GRIN2C: variants seen among roughly 807,000 people sequenced by gnomAD.
GRIN2C encodes the protein glutamate receptor ionotropic, NMDA 2C.
In GRIN2C, 64 loss-of-function variants were observed where a neutral mutation model predicts 77.7. The ratio of observed to expected loss-of-function variants is 0.82; its 90% CI spans 0.67 to 1.01. The LOEUF is 1.01. Ranked by LOEUF, GRIN2C falls within the 50% of genes least tolerant of loss-of-function variation. The pLI is 0.00. For synonymous variants in GRIN2C, 792 were observed against 643.4 expected, an observed-to-expected ratio of 1.23 and a Z score of -3.49; for missense variants, 1,549 against 1,486.0, an observed-to-expected ratio of 1.04 and a Z score of -0.70.
rs2037696963 is a variant in GRIN2C at position 74,852,614 on chromosome 17, G to A, written c.400-3C>T. 1 of 1,193,938 alleles carries A rather than the reference G, an allele frequency of 8.4e-7. No homozygotes were observed. Among genetic ancestry groups the A allele is most frequent in the Admixed American group, 5.8e-5 (1 of 17,354 alleles). The allele number at this position is 1,193,938 out of a possible 1,614,324, so 74.0% of individuals were successfully genotyped here. A position where few individuals can be genotyped will look rare whatever the true frequency, so the allele number is the denominator to read the frequency against. ...TGCAGGAAGGCGGAGCCCGGCTCCTGGGGGCGGGCGGGGCCTGAGCGGGGC... is the reference window on the plus strand; with the variant it reads ...TGCAGGAAGGCGGAGCCCGGCTCCTAGGGGCGGGCGGGGCCTGAGCGGGGC... On this transcript the variant is annotated splice_region_variant and splice_polypyrimidine_tract_variant and intron_variant, in intron 2 of 12. Coordinates refer to ENST00000293190, the MANE Select transcript of GRIN2C (RefSeq NM_000835.6).
In GRIN2C at chr17:74,842,484, G is replaced by A. The variant is rs760921839; in HGVS notation, c.3653C>T (p.Pro1218Leu). Residue 1218 changes from proline (P) to leucine (L), a missense_variant, in exon 13 of 13, where the codon CCG becomes CTG. Coordinates refer to ENST00000293190, the MANE Select transcript of GRIN2C (RefSeq NM_000835.6). ...SRVARGTQGF[P>L]GPCTWRRISS... ...GATCCGTCTCCAGGTGCAGGGTCCC[G>A]GGAAGCCTTGCGTCCCACGGGCTAC... is the stretch of plus-strand genomic sequence containing the variant. 1 of 778,156 alleles carries A rather than the reference G, an allele frequency of 1.3e-6. No individual in the cohort carries two copies. The allele number at this position is 778,156 out of a possible 1,614,324, so 48.2% of individuals were successfully genotyped here. A position where few individuals can be genotyped will look rare whatever the true frequency, so the allele number is the denominator to read the frequency against.
rs1002934475 is a variant in GRIN2C, at chr17:74,852,399, G to A, written c.612C>T (p.Gly204=). The change falls in exon 3 of 13, where the codon GGC becomes GGT. Residue 204 remains glycine (G), a synonymous_variant. Transcript: ENST00000293190. ...RLLDVVTLEL[G]PGGPRARTQR... ...GCGTGCGCGCGCGCGGCCCTCCCGGGCCCAGCTCCAGCGTGACCACGTCCA... is the reference window on the plus strand; with the variant it reads ...GCGTGCGCGCGCGCGGCCCTCCCGGACCCAGCTCCAGCGTGACCACGTCCA... 9 of 1,465,138 alleles carry A rather than the reference G, an allele frequency of 6.1e-6. No individual in the cohort carries two copies. Among genetic ancestry groups the A allele is most frequent in the African/African-American group, 2.9e-5 (2 of 67,880 alleles). 90.8% of individuals were successfully genotyped at this position (1,465,138 alleles called of 1,614,324 possible). A position where few individuals can be genotyped will look rare whatever the true frequency, so the allele number is the denominator to read the frequency against.
Position 74,842,864 on chromosome 17 carries a change from A to G in GRIN2C, c.3273T>C (p.Ala1091=). ...SLPSSVAEAF[A]RPSSLPAGCT... The stretch of plus-strand genomic sequence containing the variant: ...ACCCAGCGGGCAGCGAGCTGGGCCG[A>G]GCGAAGGCCTCGGCCACGGAGCTGG... The change falls in exon 13 of 13, where the codon GCT becomes GCC. Residue 1091 remains alanine, a synonymous_variant. Transcript: ENST00000293190. The G allele has an allele frequency of 1.8e-6, 1 of 563,042 alleles. No homozygotes were observed. Among genetic ancestry groups the G allele is most frequent in the East Asian group, 3.3e-5 (1 of 29,946 alleles). 34.9% of individuals were successfully genotyped at this position (563,042 alleles called of 1,614,324 possible).
rs1324096588 is a variant in GRIN2C, at chr17:74,859,386, A to T, written c.-16+358T>A. 6.6e-6 allele frequency among the ~76,000 whole-genome samples: 1 copy of T among 151,710 alleles called. No individual in the cohort carries two copies. The highest frequency in any genetic ancestry group is 1.5e-5 in the Non-Finnish European group (1 of 67,916). Reference sequence around the variant, plus strand: ...GACCCCCTGGCACGGACCTGCACACACATGCACACTCCCGCACTCATACCC... The same window carrying T: ...GACCCCCTGGCACGGACCTGCACACTCATGCACACTCCCGCACTCATACCC... On this transcript the variant is annotated intron_variant, in intron 1 of 12. Coordinates refer to ENST00000293190, the MANE Select transcript of GRIN2C (RefSeq NM_000835.6). The surrounding 1 kb of genome is among the most constrained non-coding windows in gnomAD (Gnocchi z 5.9).
Position 74,844,579 on chromosome 17 carries a change from A to G in GRIN2C, c.2351-71T>C. On this transcript the variant is annotated intron_variant, in intron 11 of 12. Transcript: ENST00000293190. ...AAGCAACCCCCTCACAAAGCTCACC[A>G]CAAACCTGGAGTAAGAAGGGATCTG... The G allele has an allele frequency of 1.9e-6, 3 of 1,559,522 alleles. No individual in the cohort carries two copies. The East Asian group carries it at 6.8e-5, about 35-fold the overall frequency.
At chr17:74,855,689 A>AACCCCC (rs1313011431) in intron 1 of GRIN2C, among the ~76,000 whole-genome samples, 1 of 151,450 alleles carries the variant, frequency 6.6e-6, no homozygotes, top group Non-Finnish European at 1.5e-5. Context: ...CATCACCCCC[A>AACCCCC]ACCCCCACCC....
At chr17:74,854,494 T>C (rs2037754457) in intron 2 of GRIN2C, 200 bp downstream of exon 2, 2 of 550,868 alleles carry the variant, frequency 3.6e-6, no homozygotes, top group Non-Finnish European at 6.5e-6. Flanking sequence ...CCAGACACAA[T>C]GTGAGGTCAG....
Position 74,855,157 on chromosome 17 carries a change from G to C in GRIN2C, c.-15-50C>G, listed in dbSNP as rs369913290. 6.2e-4 allele frequency: 878 copies of C among 1,419,140 alleles called. 1 individual carries two copies. The African/African-American group carries it at 0.011, about 17-fold the overall frequency. 87.9% of individuals were successfully genotyped at this position (1,419,140 alleles called of 1,614,324 possible). On this transcript the variant is annotated intron_variant, in intron 1 of 12. Transcript: ENST00000293190. ...AGGGAGAGAGACAGAGGTTTGGAGAGAGGCAGATGGACAGACAGGAGGGAC... is the reference window on the plus strand; with the variant it reads ...AGGGAGAGAGACAGAGGTTTGGAGACAGGCAGATGGACAGACAGGAGGGAC...
rs1387935487 is a variant in GRIN2C at position 74,852,151 on chromosome 17, T to C, written c.860A>G (p.Gln287Arg). The C allele has an allele frequency of 2.8e-6, 4 of 1,449,818 alleles. No individual in the cohort carries two copies. The highest frequency in any genetic ancestry group is 3.6e-6 in the Non-Finnish European group (4 of 1,102,744). The allele number at this position is 1,449,818 out of a possible 1,614,324, so 89.8% of individuals were successfully genotyped here. The change falls in exon 3 of 13, where the codon CAG (glutamine) becomes CGG (arginine). Residue 287 changes from glutamine to arginine, a missense_variant. Transcript: ENST00000293190. ...AATGGCCACGCCGTCGCGCACCTTC[T>C]GGCGCAGGCTGAGGCGCCAGCTCTC... ...VTESWRLSLR[Q>R]KVRDGVAILA...
Position 74,850,866 on chromosome 17 carries a change from G to C in GRIN2C, c.1114-99C>G. 1 of 1,007,346 alleles carries C rather than the reference G, an allele frequency of 9.9e-7. No individual in the cohort carries two copies. The highest frequency in any genetic ancestry group is 1.5e-5 in the South Asian group (1 of 68,028). 62.4% of individuals were successfully genotyped at this position (1,007,346 alleles called of 1,614,324 possible). ...GCCAAGAATCTCCCTCTCTCACCTA[G>C]GGATGCTGGGGCAGGTCAGAGTAGG... is the stretch of plus-strand genomic sequence containing the variant. On this transcript the variant is annotated intron_variant, in intron 4 of 12. Coordinates refer to ENST00000293190, the MANE Select transcript of GRIN2C (RefSeq NM_000835.6). The surrounding 1 kb of genome is among the most constrained non-coding windows in gnomAD (Gnocchi z 5.3).
chr17:74,852,450 G>A lies in GRIN2C; in HGVS notation c.561C>T (p.Asp187=), dbSNP rs759781436. The change falls in exon 3 of 13, where the codon GAC becomes GAT. Residue 187 remains aspartate, a synonymous_variant. Coordinates refer to ENST00000293190, the MANE Select transcript of GRIN2C (RefSeq NM_000835.6). ...LFLEGVRAVA[D]ASHVSWRLLD... is the part of the protein sequence containing the mutation. ...GCAGCCGCCAACTCACGTGGCTGGC[G>A]TCGGCGACGGCGCGCACGCCCTCCA... 1.4e-5 allele frequency: 21 copies of A among 1,544,500 alleles called. No homozygotes were observed. Among genetic ancestry groups the A allele is most frequent in the Non-Finnish European group, 1.7e-5 (20 of 1,155,708 alleles).
In GRIN2C at chr17:74,847,858, C is replaced by G. The variant is rs1177427570; in HGVS notation, c.1765G>C (p.Gly589Arg). The change falls in exon 8 of 13, where the codon GGC becomes CGC. Residue 589 changes from glycine (G) to arginine (R), a missense_variant. By Grantham distance (125) the Gly-to-Arg change is moderately radical. Coordinates refer to ENST00000293190, the MANE Select transcript of GRIN2C (RefSeq NM_000835.6). The surrounding 1 kb of genome is among the most constrained non-coding windows in gnomAD (Gnocchi z 5.2). ...GGGCCCAGGCAAGGCTTACTCTTGC[C>G]TCTGGTGAGGTTCTGGTTGTAGCTG... ...PVSYNQNLTR[G>R]KKSGGPAFTI... The G allele has an allele frequency of 6.2e-7, 1 of 1,613,938 alleles. No individual in the cohort carries two copies. Among genetic ancestry groups the G allele is most frequent in the Non-Finnish European group, 8.5e-7 (1 of 1,179,984 alleles).
At chr17:74,858,999 T>C (rs959690719) in intron 1 of GRIN2C, among the ~76,000 whole-genome samples, 4 of 152,088 alleles carry the variant, frequency 2.6e-5, no homozygotes, top group Non-Finnish European at 5.9e-5. Flanking sequence ...GCACCTGCCC[T>C]TCTTCCCCCT....
rs201869035 is a variant in GRIN2C at position 74,850,319 on chromosome 17, C to T, written c.1378G>A (p.Asp460Asn). Residue 460 changes from aspartate to asparagine, a missense_variant, in exon 6 of 13, where the codon GAC becomes AAC. Physicochemically the swap from Asp to Asn is conservative, Grantham distance 23 (BLOSUM62 1). Around this residue, in one of 3 missense-constraint regions of GRIN2C, gnomAD observed 717 missense variants for 858.1 expected, o/e 0.84. Coordinates refer to ENST00000293190, the MANE Select transcript of GRIN2C (RefSeq NM_000835.6). The surrounding 1 kb of genome is among the most constrained non-coding windows in gnomAD (Gnocchi z 5.3). ...TKLCCKGFCI[D>N]ILKKLARVVK... ...ACTCTGGCCAGCTTCTTGAGGATGT[C>T]GATGCAGAATCCCTTACAGCAGAGC... is the stretch of plus-strand genomic sequence containing the variant. 1.2e-4 allele frequency: 187 copies of T among 1,613,678 alleles called. No homozygotes were observed. The highest frequency in any genetic ancestry group is 2.4e-5 in the Non-Finnish European group (28 of 1,179,966).
rs2037485617 is a variant in GRIN2C at position 74,847,256 on chromosome 17, T to G, written c.2001+52A>C. Reference sequence around the variant, plus strand: ...GTCCAGGGCCTGCCCACTCACGGCCTGTCCCCACCCTCAGTGCCCCCCCCC... The same window carrying G: ...GTCCAGGGCCTGCCCACTCACGGCCGGTCCCCACCCTCAGTGCCCCCCCCC... On this transcript the variant is annotated intron_variant, in intron 9 of 12. Coordinates refer to ENST00000293190, the MANE Select transcript of GRIN2C (RefSeq NM_000835.6). The surrounding 1 kb of genome is among the most constrained non-coding windows in gnomAD (Gnocchi z 5.2). 1.2e-5 allele frequency: 12 copies of G among 1,001,244 alleles called. No individual in the cohort carries two copies. Among genetic ancestry groups the G allele is most frequent in the Non-Finnish European group, 1.2e-5 (8 of 646,678 alleles). 62.0% of individuals were successfully genotyped at this position (1,001,244 alleles called of 1,614,324 possible). A position where few individuals can be genotyped will look rare whatever the true frequency, so the allele number is the denominator to read the frequency against.
chr17:74,854,837 C>T lies in GRIN2C; in HGVS notation c.256G>A (p.Gly86Ser). The T allele has an allele frequency of 6.2e-7, 1 of 1,613,704 alleles. No individual in the cohort carries two copies. Among genetic ancestry groups the T allele is most frequent in the Non-Finnish European group, 8.5e-7 (1 of 1,179,676 alleles). The change falls in exon 2 of 13, where the codon GGT (glycine) becomes AGT (serine). Residue 86 changes from glycine (G) to serine (S), a missense_variant. Gly to Ser is a moderately conservative substitution (Grantham distance 56). This residue lies in a region of GRIN2C where 382 missense variants were observed against 360.0 expected (regional missense o/e 1.06). Transcript: ENST00000293190. ...ACAATGCCGTGGACGTGGGCAGCAC[C>T]CAGGAGGCCGCAGATCTGGGTGAGG... ...SLLTQICGLLGAAHVHGIVFE... is the reference protein window; with the variant it reads ...SLLTQICGLLSAAHVHGIVFE...
At chr17:74,860,264 C>G (rs1382820707), upstream of GRIN2C, among the ~76,000 whole-genome samples, 1 of 152,264 alleles carries the variant, frequency 6.6e-6, no homozygotes, top group African/African-American at 2.4e-5. Context: ...GAATGGTACC[C>G]TCCCCAAATA....
rs762842488 is a variant in GRIN2C at position 74,854,921 on chromosome 17, G to A, written c.172C>T (p.Leu58=). ...GTGAGCGGCTGGATCTCCAGGGGTA[G>A]GTCCAGGAAGCTCTGGGGGGTGAGG... The part of the protein sequence containing the change: ...ARLTPQSFLD[L]PLEIQPLTVG... Residue 58 remains leucine, a synonymous_variant, in exon 2 of 13, where the codon CTA becomes TTA. Coordinates refer to ENST00000293190, the MANE Select transcript of GRIN2C (RefSeq NM_000835.6). 6.2e-7 allele frequency: 1 copy of A among 1,613,580 alleles called. No individual in the cohort carries two copies. The highest frequency in any genetic ancestry group is 1.3e-5 in the African/African-American group (1 of 75,054).
rs2037788234 is a variant in GRIN2C at position 74,855,233 on chromosome 17, C to T, written c.-15-126G>A. The T allele has an allele frequency of 1.5e-5, 11 of 718,312 alleles. No individual in the cohort carries two copies. In the South Asian group the frequency reaches 2.5e-4, roughly 16 times the overall value. The allele number at this position is 718,312 out of a possible 1,614,324, so 44.5% of individuals were successfully genotyped here. ...AAGAGAAGAGGGGAAAACCTCCCTC[C>T]CCGAAGAGAGGCGGAGAGAGAGGGA... On this transcript the variant is annotated intron_variant, in intron 1 of 12. Coordinates refer to ENST00000293190, the MANE Select transcript of GRIN2C (RefSeq NM_000835.6).
Sources: gnomAD v4.1 joint callset for allele counts (sites outside exome capture counted in the v4.1 genomes callset) on GRCh38, gnomAD v4.1.1 for gene constraint, gnomAD v4.1.1 regional missense constraint, Gnocchi (gnomAD v3.1) non-coding constraint, MANE v1.5 for transcripts, NCBI Gene and HGNC (gene_info 2026-07-23, HGNC 2026-07-21) for gene names.